Variants in FOSL2 observed in about 807,000 individuals in gnomAD.
FOSL2 encodes FOS like 2, AP-1 transcription factor subunit.
Under a neutral mutation model 27.7 loss-of-function variants are expected in FOSL2, and 3 were observed. The observed-to-expected ratio is 0.11, with a 90% CI of 0.05 to 0.28. The LOEUF (loss-of-function observed/expected upper bound fraction) is 0.28. Among genes scored for constraint, FOSL2 ranks in the 10% least tolerant of loss-of-function variants. FOSL2 has a pLI of 1.00. For missense variants in FOSL2, 333 were observed against 445.1 expected (o/e 0.75, Z 2.27); for synonymous variants, 179 against 190.1 (o/e 0.94, Z 0.48).
At chr2:28,401,824 A>G (rs1663978999) in intron 1 of FOSL2, among the ~76,000 whole-genome samples, 1 of 152,164 alleles carries the variant, frequency 6.6e-6, no homozygotes, top group Non-Finnish European at 1.5e-5. Context: ...CAGAAATGCA[A>G]CTCAGAATCT....
At chr2:28,410,466 TC>T in intron 3 of FOSL2, 1 of 825,982 alleles carries the variant, frequency 1.2e-6, no homozygotes, top group Non-Finnish European at 1.4e-6. Flanking sequence ...AGCCACATCC[TC>T]CACAGGAAGC....
chr2:28,403,094 G>A (rs1426960231), intron 1 of FOSL2, among the ~76,000 whole-genome samples: 3 of 152,182 alleles, frequency 2.0e-5, no homozygotes, highest in Non-Finnish European at 4.4e-5. Context: ...AGGTTCACCT[G>A]GGTTCCATTA....
intron 2 of FOSL2, among the ~76,000 whole-genome samples, chr2:28,406,110 C>A (rs1224947986): frequency 2.0e-5 from 3 of 147,988 alleles, no homozygotes; most frequent in Non-Finnish European, 4.4e-5. Context: ...GGCTAGAATG[C>A]AGTGGCACGA....
intron 3 of FOSL2, chr2:28,410,670 C>A: frequency 3.1e-6 from 1 of 320,400 alleles, no homozygotes; most frequent in Non-Finnish European, 4.5e-6. Context: ...GCGGCCCCTC[C>A]ACGTGCACTT....
intron 3 of FOSL2, among the ~76,000 whole-genome samples, chr2:28,409,901 C>T (rs948720491): frequency 2.0e-5 from 3 of 152,112 alleles, no homozygotes; most frequent in African/African-American, 7.2e-5. Flanking sequence ...CCACCATGCC[C>T]GGCTAATTTT....
In FOSL2 at chr2:28,393,346, T is replaced by C. The variant is rs1663718355; in HGVS notation, c.-375T>C. The C allele has an allele frequency of 8.5e-6, 2 of 236,260 alleles. No homozygotes were observed. The highest frequency in any genetic ancestry group is 2.3e-4 in the East Asian group (2 of 8,564). 14.6% of individuals were successfully genotyped at this position (236,260 alleles called of 1,614,324 possible). A position where few individuals can be genotyped will look rare whatever the true frequency, so the allele number is the denominator to read the frequency against. ...AGGCTCGCTGGGCTCCTAATCTTTT[T>C]TTTAATTTCCAATTTTTGATTGGGC... On this transcript the variant is annotated 5_prime_UTR_variant, in exon 1 of 4. Transcript: ENST00000264716. This position sits in a 1 kb window ranked among gnomAD's most constrained non-coding sequence, Gnocchi z 4.6.
chr2:28,414,211 C>G lies in FOSL2; in HGVS notation c.*1763C>G, dbSNP rs1316750469. The G allele has an allele frequency of 1.1e-5, 2 of 187,190 alleles. No individual in the cohort carries two copies. The highest frequency in any genetic ancestry group is 4.7e-5 in the African/African-American group (2 of 42,992). 11.6% of individuals were successfully genotyped at this position (187,190 alleles called of 1,614,324 possible). A position where few individuals can be genotyped will look rare whatever the true frequency, so the allele number is the denominator to read the frequency against. On this transcript the variant is annotated 3_prime_UTR_variant, in exon 4 of 4. Coordinates refer to ENST00000264716, the MANE Select transcript of FOSL2 (RefSeq NM_005253.4). ...TGGAGAAAGCAGTGACACATTCACA[C>G]AGCTGTTCCCTCGCATGTTATTTCA...
chr2:28,413,584 C>G lies in FOSL2; in HGVS notation c.*1136C>G, dbSNP rs1014242319. On this transcript the variant is annotated 3_prime_UTR_variant, in exon 4 of 4. Transcript: ENST00000264716. Reference sequence around the variant, plus strand: ...AGGATGGAGAGGCAGGGGAGGGAGGCGGGAGGCCGTCACTGGAGTGGCGTC... The same window carrying G: ...AGGATGGAGAGGCAGGGGAGGGAGGGGGGAGGCCGTCACTGGAGTGGCGTC... The G allele has an allele frequency of 9.3e-5, 37 of 398,704 alleles. No individual in the cohort carries two copies. The highest frequency in any genetic ancestry group is 6.2e-4 in the Middle Eastern group (1 of 1,612). 24.7% of individuals were successfully genotyped at this position (398,704 alleles called of 1,614,324 possible).
chr2:28,416,846 T>G lies in FOSL2; in HGVS notation c.*4398T>G, dbSNP rs2148108101. 6.6e-6 allele frequency: 1 copy of G among 152,152 alleles called. No individual in the cohort carries two copies. The highest frequency in any genetic ancestry group is 6.5e-5 in the Admixed American group (1 of 15,278). The allele number at this position is 152,152 out of a possible 1,614,324, so 9.4% of individuals were successfully genotyped here. On this transcript the variant is annotated 3_prime_UTR_variant, in exon 4 of 4. Coordinates refer to ENST00000264716, the MANE Select transcript of FOSL2 (RefSeq NM_005253.4). ...AAGCTTTGTGCATCTGTATTTGAGA[T>G]ATGTTAATGACGTGGAGTAAAGTCA...
Position 28,414,695 on chromosome 2 carries a change from T to C in FOSL2, c.*2247T>C, listed in dbSNP as rs1664279059. The C allele has an allele frequency of 6.6e-6, 1 of 152,178 alleles. No individual in the cohort carries two copies. The highest frequency in any genetic ancestry group is 1.5e-5 in the Non-Finnish European group (1 of 68,028). 9.4% of individuals were successfully genotyped at this position (152,178 alleles called of 1,614,324 possible). On this transcript the variant is annotated 3_prime_UTR_variant, in exon 4 of 4. Coordinates refer to ENST00000264716, the MANE Select transcript of FOSL2 (RefSeq NM_005253.4). Reference sequence around the variant, plus strand: ...TTCTAAAAGCCCCCTTATACCCCACTTTGTGCAGCAAAGATCCCCGTGCAG... The same window carrying C: ...TTCTAAAAGCCCCCTTATACCCCACCTTGTGCAGCAAAGATCCCCGTGCAG...
Position 28,392,858 on chromosome 2 carries a change from G to A in FOSL2, c.-863G>A. On this transcript the variant is annotated 5_prime_UTR_variant, in exon 1 of 4. Coordinates refer to ENST00000264716, the MANE Select transcript of FOSL2 (RefSeq NM_005253.4). Reference sequence around the variant, plus strand: ...GAGTGTGAGTTGAACTCGTGCCATTGTAGTGACTCATCTCGGGCAGAGCGC... The same window carrying A: ...GAGTGTGAGTTGAACTCGTGCCATTATAGTGACTCATCTCGGGCAGAGCGC... The A allele has an allele frequency of 1.4e-6, 1 of 715,968 alleles. No homozygotes were observed. The highest frequency in any genetic ancestry group is 2.6e-6 in the Non-Finnish European group (1 of 384,096). The allele number at this position is 715,968 out of a possible 1,614,324, so 44.4% of individuals were successfully genotyped here. A position where few individuals can be genotyped will look rare whatever the true frequency, so the allele number is the denominator to read the frequency against.
At position 28,412,088 on chromosome 2, in the gene FOSL2, G is replaced by C; in HGVS notation, c.621G>C (p.Gln207His). The change falls in exon 4 of 4, where the codon CAG becomes CAC. Residue 207 changes from glutamine to histidine, a missense_variant. Around this residue, in one of 4 missense-constraint regions of FOSL2, gnomAD observed 136 missense variants for 123.7 expected, o/e 1.10. Transcript: ENST00000264716. This position sits in a 1 kb window ranked among gnomAD's most constrained non-coding sequence, Gnocchi z 7.1. Reference protein sequence around the residue: ...ERRSPPAPGLQPMRSGGGSVG... With the variant: ...ERRSPPAPGLHPMRSGGGSVG... Reference sequence around the variant, plus strand: ...GATCGCCCCCAGCCCCTGGGCTGCAGCCCATGCGCAGTGGGGGTGGCTCGG... The same window carrying C: ...GATCGCCCCCAGCCCCTGGGCTGCACCCCATGCGCAGTGGGGGTGGCTCGG... 1.9e-6 allele frequency: 3 copies of C among 1,606,712 alleles called. No individual in the cohort carries two copies. The highest frequency in any genetic ancestry group is 2.5e-6 in the Non-Finnish European group (3 of 1,179,868).
Position 28,408,902 on chromosome 2 carries a change from G to A in FOSL2, c.462+36G>A, listed in dbSNP as rs750728595. ...CTGCGTAGGGTGGGAGCACCTCTGG[G>A]TGGGCTGGAGTGAGAGCCCCGGGGG... On this transcript the variant is annotated intron_variant, in intron 3 of 3. Transcript: ENST00000264716. This position sits in a 1 kb window ranked among gnomAD's most constrained non-coding sequence, Gnocchi z 4.1. The A allele has an allele frequency of 1.6e-4, 240 of 1,464,352 alleles. No individual in the cohort carries two copies. The highest frequency in any genetic ancestry group is 2.2e-4 in the Non-Finnish European group (237 of 1,075,822). The allele number at this position is 1,464,352 out of a possible 1,614,324, so 90.7% of individuals were successfully genotyped here.
At chr2:28,407,804 T>G (rs1366090822) in intron 2 of FOSL2, among the ~76,000 whole-genome samples, 3 of 152,190 alleles carry the variant, frequency 2.0e-5, no homozygotes. Context: ...AGAGAGGCAT[T>G]GGGGTCACAG....
intron 1 of FOSL2, among the ~76,000 whole-genome samples, chr2:28,401,114 C>T (rs995462529): frequency 1.3e-5 from 2 of 151,978 alleles, no homozygotes; most frequent in Non-Finnish European, 2.9e-5. Flanking sequence ...CACTTCTCCC[C>T]AGAGCCTCCT....
At chr2:28,403,420 C>T (rs749960490) in intron 1 of FOSL2, among the ~76,000 whole-genome samples, 1 of 152,130 alleles carries the variant, frequency 6.6e-6, no homozygotes, top group Non-Finnish European at 1.5e-5. Flanking sequence ...GAGACACACT[C>T]AGCCAGTCTG....
intron 1 of FOSL2, among the ~76,000 whole-genome samples, chr2:28,403,282 G>A (rs538052349): frequency 6.6e-6 from 1 of 152,316 alleles, no homozygotes; most frequent in South Asian, 2.1e-4. Flanking sequence ...CCTGCAGCAT[G>A]TTCCAGAGAG....
rs1195621565 is a variant in FOSL2 at position 28,416,765 on chromosome 2, CTT to C, written c.*4320_*4321del. On this transcript the variant is annotated 3_prime_UTR_variant, in exon 4 of 4. Coordinates refer to ENST00000264716, the MANE Select transcript of FOSL2 (RefSeq NM_005253.4). ...TGTAAAGAGTAGGGTATCAGGGTGT[CTT>C]TTCTGCCGTGGGAGATGTGTATATA... The C allele has an allele frequency of 1.3e-5, 2 of 151,820 alleles. No individual in the cohort carries two copies. Among genetic ancestry groups the C allele is most frequent in the Non-Finnish European group, 2.9e-5 (2 of 67,920 alleles). The allele number at this position is 151,820 out of a possible 1,614,324, so 9.4% of individuals were successfully genotyped here.
At position 28,406,815 on chromosome 2, in the gene FOSL2, C is replaced by T. The variant is rs575320444; in HGVS notation, c.355-1944C>T. Among the ~76,000 whole-genome samples, 10 of 152,352 alleles carry T rather than the reference C, an allele frequency of 6.6e-5. No individual in the cohort carries two copies. In the South Asian group the frequency reaches 2.1e-3, roughly 32 times the overall value. ...TACTCCGGCCGTCCCCAGCCTCCCCCAGCCTCCCTGCTAGGGAGGAGCCTG... is the reference window on the plus strand; with the variant it reads ...TACTCCGGCCGTCCCCAGCCTCCCCTAGCCTCCCTGCTAGGGAGGAGCCTG... On this transcript the variant is annotated intron_variant, in intron 2 of 3. Transcript: ENST00000264716.
Sources: allele counts gnomAD v4.1 joint callset (sites outside exome capture counted in the v4.1 genomes callset), GRCh38; gene constraint gnomAD v4.1.1; regional missense constraint gnomAD v4.1.1; non-coding constraint Gnocchi (gnomAD v3.1); transcripts MANE v1.5; gene names NCBI Gene and HGNC (gene_info 2026-07-23, HGNC 2026-07-21).